NSL1: variants seen among roughly 807,000 people sequenced by gnomAD.
NSL1 encodes NSL1 component of MIS12 kinetochore complex.
A neutral mutation model predicts 25.4 loss-of-function variants in NSL1; 11 were observed. The observed-to-expected ratio is 0.43, with a 90% CI of 0.27 to 0.72. NSL1 has a LOEUF of 0.72. Among genes scored for constraint, NSL1 ranks in the 30% least tolerant of loss-of-function variants. The probability of loss-of-function intolerance (pLI) is 0.19; values close to 1 mark genes in which losing one functional copy is unlikely to be tolerated. For synonymous variants in NSL1, 118 were observed against 120.6 expected (o/e 0.98, Z 0.14); for missense variants, 330 against 342.7 (o/e 0.96, Z 0.29).
At position 212,735,183 on chromosome 1, in the gene NSL1, G is replaced by A. The variant is rs534743478; in HGVS notation, c.*3225C>T. 3 of 451,748 alleles carry A rather than the reference G, an allele frequency of 6.6e-6. No homozygotes were observed. The highest frequency in any genetic ancestry group is 1.9e-4 in the South Asian group (2 of 10,634). 28.0% of individuals were successfully genotyped at this position (451,748 alleles called of 1,614,324 possible). On this transcript the variant is annotated 3_prime_UTR_variant, in exon 6 of 6. Coordinates refer to ENST00000366977, the MANE Select transcript of NSL1 (RefSeq NM_015471.4). Reference sequence around the variant, plus strand: ...AGAGACTATGCTCTTTAAGATCTCTGACTTTTGATCATAGACAGGTTAAGT... The same window carrying A: ...AGAGACTATGCTCTTTAAGATCTCTAACTTTTGATCATAGACAGGTTAAGT...
At position 212,731,461 on chromosome 1, in the gene NSL1, T is replaced by TGAAAAACTGAAACCCC; in HGVS notation, c.*6931_*6946dup. ...AACCCTGAGAAAGCTTCTGAAACCCTGAAAAACTGAAACCCCGAGAAAGGT... is the reference window on the plus strand; with the variant it reads ...AACCCTGAGAAAGCTTCTGAAACCCTGAAAAACTGAAACCCCGAAAAACTGAAACCCCGAGAAAGGT... On this transcript the variant is annotated 3_prime_UTR_variant, in exon 6 of 6. Coordinates refer to ENST00000366977, the MANE Select transcript of NSL1 (RefSeq NM_015471.4). 6 of 985,396 alleles carry TGAAAAACTGAAACCCC rather than the reference T, an allele frequency of 6.1e-6. No homozygotes were observed. In the South Asian group the frequency reaches 2.3e-4, roughly 39 times the overall value. 61.0% of individuals were successfully genotyped at this position (985,396 alleles called of 1,614,324 possible). A position where few individuals can be genotyped will look rare whatever the true frequency, so the allele number is the denominator to read the frequency against.
intron 4 of NSL1, 99 bp from the exon 5 acceptor site, chr1:212,739,700 G>C: frequency 8.9e-7 from 1 of 1,118,136 alleles, no homozygotes; most frequent in African/African-American, 1.6e-5. Flanking sequence ...ATGCTATCTG[G>C]ACAAAAATCT....
rs1479587736 is a variant in NSL1 at position 212,730,145 on chromosome 1, G to A, written c.*8263C>T. The A allele has an allele frequency of 1.2e-6, 1 of 860,328 alleles. No homozygotes were observed. The highest frequency in any genetic ancestry group is 1.4e-6 in the Non-Finnish European group (1 of 718,560). 53.3% of individuals were successfully genotyped at this position (860,328 alleles called of 1,614,324 possible). A position where few individuals can be genotyped will look rare whatever the true frequency, so the allele number is the denominator to read the frequency against. On this transcript the variant is annotated 3_prime_UTR_variant, in exon 6 of 6. Coordinates refer to ENST00000366977, the MANE Select transcript of NSL1 (RefSeq NM_015471.4). The stretch of plus-strand genomic sequence containing the variant: ...CGCGCCTGTAATCCCAGCTACTCGG[G>A]AGGCTAAGGCATGAGAACCTCTTGA...
intron 4 of NSL1, among the ~76,000 whole-genome samples, chr1:212,759,049 AAAC>A (rs1264980679): frequency 1.3e-5 from 2 of 152,248 alleles, no homozygotes; most frequent in Admixed American, 6.5e-5. Flanking sequence ...ATGGTGCTTA[AAAC>A]AACTGGATAT....
intron 4 of NSL1, among the ~76,000 whole-genome samples, chr1:212,761,198 G>A (rs1387249837): frequency 6.6e-6 from 1 of 152,086 alleles, no homozygotes; most frequent in Admixed American, 6.5e-5. Flanking sequence ...AAAAAGCAAG[G>A]AAACATGACA....
chr1:212,735,624 G>A lies in NSL1; in HGVS notation c.*2784C>T, dbSNP rs534894574. 5.9e-5 allele frequency: 44 copies of A among 746,814 alleles called. No individual in the cohort carries two copies. In the South Asian group the frequency reaches 2.3e-3, roughly 39 times the overall value. 46.3% of individuals were successfully genotyped at this position (746,814 alleles called of 1,614,324 possible). On this transcript the variant is annotated 3_prime_UTR_variant, in exon 6 of 6. Coordinates refer to ENST00000366977, the MANE Select transcript of NSL1 (RefSeq NM_015471.4). ...CCTTAACTCCCATGTGCCTATAGCTGTATTTGGAGATGGGGCCTCTAAGGA... is the reference window on the plus strand; with the variant it reads ...CCTTAACTCCCATGTGCCTATAGCTATATTTGGAGATGGGGCCTCTAAGGA...
chr1:212,736,802 T>C lies in NSL1; in HGVS notation c.*1606A>G. 1.0e-6 allele frequency: 1 copy of C among 985,306 alleles called. No homozygotes were observed. The highest frequency in any genetic ancestry group is 1.2e-6 in the Non-Finnish European group (1 of 829,786). 61.0% of individuals were successfully genotyped at this position (985,306 alleles called of 1,614,324 possible). A position where few individuals can be genotyped will look rare whatever the true frequency, so the allele number is the denominator to read the frequency against. ...ACATTTCCTTAATCGATTCCTTGTT[T>C]CTCTGCTGAATACTTCAGAGCAAAT... On this transcript the variant is annotated 3_prime_UTR_variant, in exon 6 of 6. Coordinates refer to ENST00000366977, the MANE Select transcript of NSL1 (RefSeq NM_015471.4).
Position 212,731,053 on chromosome 1 carries a change from A to G in NSL1, c.*7355T>C, listed in dbSNP as rs1657992743. On this transcript the variant is annotated 3_prime_UTR_variant, in exon 6 of 6. Coordinates refer to ENST00000366977, the MANE Select transcript of NSL1 (RefSeq NM_015471.4). ...TTTACCCCTGAAGCTTCAAATGAATATAACATTAATTTTCTCAAATCCTTT... is the reference window on the plus strand; with the variant it reads ...TTTACCCCTGAAGCTTCAAATGAATGTAACATTAATTTTCTCAAATCCTTT... The G allele has an allele frequency of 1.0e-6, 1 of 985,092 alleles. No individual in the cohort carries two copies. Among genetic ancestry groups the G allele is most frequent in the Non-Finnish European group, 1.2e-6 (1 of 829,598 alleles). The allele number at this position is 985,092 out of a possible 1,614,324, so 61.0% of individuals were successfully genotyped here.
In NSL1 at chr1:212,760,858, G is replaced by A. The variant is rs1322578184; in HGVS notation, c.500-21257C>T. ...AAGGGAACCAAAAATGGATGTATTT[G>A]GCATGCCATCACCACCAGTGGGGCC... On this transcript the variant is annotated intron_variant, in intron 4 of 5. Transcript: ENST00000366977. This position sits in a 1 kb window ranked among gnomAD's most constrained non-coding sequence, Gnocchi z 4.3. Among the ~76,000 whole-genome samples the A allele has an allele frequency of 6.6e-6, 1 of 152,136 alleles. No individual in the cohort carries two copies. The highest frequency in any genetic ancestry group is 1.5e-5 in the Non-Finnish European group (1 of 68,036).
chr1:212,788,417 AT>A (rs1464312339), intron 1 of NSL1, among the ~76,000 whole-genome samples: 1 of 152,214 alleles, frequency 6.6e-6, no homozygotes, highest in Admixed American at 6.5e-5. Flanking sequence ...CTGTAACAAA[AT>A]TTTGACAACT....
chr1:212,780,038 A>G (rs1252213956), intron 4 of NSL1, among the ~76,000 whole-genome samples: 1 of 151,944 alleles, frequency 6.6e-6, no homozygotes, highest in Non-Finnish European at 1.5e-5. Flanking sequence ...CCATGATGAC[A>G]ATGGCGGTTT....
At chr1:212,788,017 T>C (rs1291425458) in intron 1 of NSL1, among the ~76,000 whole-genome samples, 5 of 152,196 alleles carry the variant, frequency 3.3e-5, no homozygotes, top group African/African-American at 9.6e-5. Flanking sequence ...AGGGAAAACA[T>C]ACATGCTTAA....
chr1:212,743,331 A>C (rs552634507), intron 4 of NSL1, among the ~76,000 whole-genome samples: 2 of 152,092 alleles, frequency 1.3e-5, no homozygotes, highest in Non-Finnish European at 2.9e-5. Context: ...TGCCCAGCTA[A>C]TTTTTGCATT....
At chr1:212,741,207 T>C (rs1273195888) in intron 4 of NSL1, among the ~76,000 whole-genome samples, 1 of 145,396 alleles carries the variant, frequency 6.9e-6, no homozygotes, top group Non-Finnish European at 1.6e-5. Context: ...CTCTGTGGTA[T>C]GGCAAATAAA....
intron 4 of NSL1, among the ~76,000 whole-genome samples, chr1:212,741,274 C>T (rs1301765900): frequency 6.6e-6 from 1 of 152,194 alleles, no homozygotes; most frequent in Non-Finnish European, 1.5e-5. Flanking sequence ...CCCACACTTA[C>T]TCTCTCTTCA....
At position 212,736,163 on chromosome 1, in the gene NSL1, G is replaced by T; in HGVS notation, c.*2245C>A. The T allele has an allele frequency of 4.5e-6, 3 of 670,788 alleles. No homozygotes were observed. The highest frequency in any genetic ancestry group is 5.5e-6 in the Non-Finnish European group (3 of 542,632). The allele number at this position is 670,788 out of a possible 1,614,324, so 41.6% of individuals were successfully genotyped here. ...AGTGATCCTCTCATTTCAGCCTCCT[G>T]GGTGGCTGGGACTACAGGTGTGTGC... On this transcript the variant is annotated 3_prime_UTR_variant, in exon 6 of 6. Coordinates refer to ENST00000366977, the MANE Select transcript of NSL1 (RefSeq NM_015471.4).
Position 212,734,383 on chromosome 1 carries a change from C to A in NSL1, c.*4025G>T, listed in dbSNP as rs1407840422. Among the ~76,000 whole-genome samples the A allele has an allele frequency of 3.3e-5, 5 of 152,166 alleles. No homozygotes were observed. The highest frequency in any genetic ancestry group is 3.3e-4 in the Admixed American group (5 of 15,276). ...GACGCTCCTCAAATATTTGGTGAAT[C>A]AGTTTTGTGCATTTTTAAAATATAA... On this transcript the variant is annotated 3_prime_UTR_variant, in exon 6 of 6. Coordinates refer to ENST00000366977, the MANE Select transcript of NSL1 (RefSeq NM_015471.4).
At chr1:212,779,281 A>C (rs1201753845) in intron 4 of NSL1, among the ~76,000 whole-genome samples, 1 of 118,290 alleles carries the variant, frequency 8.5e-6, no homozygotes, top group Non-Finnish European at 1.7e-5. Context: ...TCTCGGAGGG[A>C]GGTGGGGGTC....
intron 4 of NSL1, chr1:212,766,368 A>G (rs571556056): frequency 3.7e-5 from 16 of 434,788 alleles, no homozygotes; most frequent in African/African-American, 3.0e-4. Flanking sequence ...AAGAAAATCC[A>G]TATTGCAAAA....
Sources: allele counts gnomAD v4.1 joint callset (sites outside exome capture counted in the v4.1 genomes callset), GRCh38; gene constraint gnomAD v4.1.1; non-coding constraint Gnocchi (gnomAD v3.1); transcripts MANE v1.5; gene names NCBI Gene and HGNC (gene_info 2026-07-23, HGNC 2026-07-21).